Variants in CRCP observed in about 807,000 individuals in gnomAD.
CRCP encodes CGRP receptor component, also known as DNA-directed RNA polymerase III subunit RPC9.
A neutral mutation model predicts 18.5 loss-of-function variants in CRCP; 18 were observed. The observed-to-expected ratio is 0.97, with a 90% CI of 0.67 to 1.44. The LOEUF (loss-of-function observed/expected upper bound fraction) is 1.44. CRCP is among the 40% of genes most tolerant of loss of function. The probability of loss-of-function intolerance (pLI) is 0.00; values close to 1 mark genes in which losing one functional copy is unlikely to be tolerated. For synonymous variants in CRCP, 53 were observed against 62.9 expected, an observed-to-expected ratio of 0.84 and a Z score of 0.75; for missense variants, 130 against 176.4, an observed-to-expected ratio of 0.74 and a Z score of 1.49.
At chr7:66,124,669 CA>C (rs1787566844) in intron 1 of CRCP, among the ~76,000 whole-genome samples, 1 of 152,156 alleles carries the variant, frequency 6.6e-6, no homozygotes, top group African/African-American at 2.4e-5. Context: ...GTGTGAGCCA[CA>C]ATGCCTGGCA....
At chr7:66,115,024 G>C (rs1241847649) in intron 1 of CRCP, 54 bp downstream of exon 1, 8 of 1,581,156 alleles carry the variant, frequency 5.1e-6, no homozygotes, top group Non-Finnish European at 6.9e-6. Context: ...CGGTTTGACC[G>C]CTGAGAGCTG....
chr7:66,127,697 T>C lies in CRCP; in HGVS notation c.9-7T>C, dbSNP rs368809100. The C allele has an allele frequency of 6.2e-7, 1 of 1,614,140 alleles. No homozygotes were observed. Among genetic ancestry groups the C allele is most frequent in the Non-Finnish European group, 8.5e-7 (1 of 1,180,004 alleles). On this transcript the variant is annotated splice_polypyrimidine_tract_variant and splice_region_variant and intron_variant, in intron 1 of 5. Coordinates refer to ENST00000395326, the MANE Select transcript of CRCP (RefSeq NM_014478.5). The stretch of plus-strand genomic sequence containing the variant: ...CAGACTGATGATAGCTTACTTTTCT[T>C]TTTCAGGAAGGATGCCAATTCTGCG...
rs138993929 is a variant in CRCP, at chr7:66,154,181, CT to C, written c.*1842del. On this transcript the variant is annotated 3_prime_UTR_variant, in exon 6 of 6. Transcript: ENST00000395326. ...CAATCTGTCTCATTGTTGTCTCTCT[CT>C]TTTTTTTTTTTTTTTTTGAGACAGT... 0.45 allele frequency: 51,459 copies of C among 114,674 alleles called. 9,406 individuals are homozygous for C. Among genetic ancestry groups the C allele is most frequent in the African/African-American group, 0.56 (15,792 of 28,356 alleles). 7.1% of individuals were successfully genotyped at this position (114,674 alleles called of 1,614,324 possible).
intron 1 of CRCP, among the ~76,000 whole-genome samples, chr7:66,123,410 C>T (rs895514235): frequency 3.3e-5 from 5 of 152,142 alleles, no homozygotes; most frequent in African/African-American, 9.6e-5. Context: ...ACAGCTTCTA[C>T]GTTTATAATT....
intron 1 of CRCP, among the ~76,000 whole-genome samples, chr7:66,125,588 T>C (rs924183297): frequency 1.8e-4 from 27 of 149,454 alleles, no homozygotes; most frequent in African/African-American, 5.6e-4. Context: ...TTAAAACTTA[T>C]GTGAAAGAGG....
intron 1 of CRCP, chr7:66,120,670 C>T (rs936454675): frequency 6.6e-6 from 1 of 151,956 alleles, no homozygotes; most frequent in African/African-American, 2.4e-5. Context: ...TCATGGATCT[C>T]CTTATACGCA....
chr7:66,138,786 C>T (rs1788048208), intron 4 of CRCP, among the ~76,000 whole-genome samples: 1 of 109,118 alleles, frequency 9.2e-6, no homozygotes, highest in South Asian at 2.8e-4. Context: ...GAGCGAGACT[C>T]CGTCTCAAAA....
intron 4 of CRCP, among the ~76,000 whole-genome samples, chr7:66,141,552 T>G (rs1045330260): frequency 3.9e-5 from 6 of 152,180 alleles, no homozygotes; most frequent in African/African-American, 1.2e-4. Flanking sequence ...CCAGAGCCTC[T>G]CTGGAGAAGA....
chr7:66,121,086 T>C (rs900160049), intron 1 of CRCP, among the ~76,000 whole-genome samples: 4 of 151,936 alleles, frequency 2.6e-5, no homozygotes, highest in Middle Eastern at 3.4e-3. Flanking sequence ...TTCTTCTTTT[T>C]TTTTTGAGAT....
intron 5 of CRCP, among the ~76,000 whole-genome samples, chr7:66,149,898 C>T (rs1429774051): frequency 6.6e-6 from 1 of 152,098 alleles, no homozygotes; most frequent in East Asian, 2.0e-4. Flanking sequence ...CCTCTGCCTC[C>T]TGGGTTCACA....
chr7:66,141,327 A>G (rs1005828353), intron 4 of CRCP, among the ~76,000 whole-genome samples: 2 of 151,434 alleles, frequency 1.3e-5, no homozygotes, highest in African/African-American at 2.4e-5. Flanking sequence ...CATTCTTTCT[A>G]TTTTTTCATA....
Position 66,134,354 on chromosome 7 carries a change from G to A in CRCP, c.219G>A (p.Leu73=), listed in dbSNP as rs541770459. Residue 73 remains leucine, a synonymous_variant, in exon 4 of 6, where the codon TTG becomes TTA. Coordinates refer to ENST00000395326, the MANE Select transcript of CRCP (RefSeq NM_014478.5). Reference sequence around the variant, plus strand: ...TTGTCAGAGAATTTCTCACAGCATTGAAAAGCCACAAGTTGACCAAGTAAG... The same window carrying A: ...TTGTCAGAGAATTTCTCACAGCATTAAAAAGCCACAAGTTGACCAAGTAAG... The part of the protein sequence containing the change: ...PEIVREFLTA[L]KSHKLTKAEK... 2 of 1,606,042 alleles carry A rather than the reference G, an allele frequency of 1.2e-6. No individual in the cohort carries two copies. Among genetic ancestry groups the A allele is most frequent in the African/African-American group, 1.3e-5 (1 of 74,188 alleles).
At chr7:66,148,916 G>A (rs771387458) in intron 5 of CRCP, among the ~76,000 whole-genome samples, 19 of 152,224 alleles carry the variant, frequency 1.2e-4, no homozygotes, top group Non-Finnish European at 2.1e-4. Flanking sequence ...GCCAGATTCA[G>A]TGAACTGTTC....
chr7:66,128,542 A>C (rs966016369), intron 2 of CRCP: 86 of 152,318 alleles, frequency 5.6e-4, no homozygotes, highest in African/African-American at 2.0e-3. Context: ...CCATAATCCC[A>C]GCACTTTGGA....
At chr7:66,139,435 T>A (rs887141190) in intron 4 of CRCP, among the ~76,000 whole-genome samples, 5 of 152,260 alleles carry the variant, frequency 3.3e-5, no homozygotes, top group Non-Finnish European at 7.3e-5. Context: ...AGAATCTTGA[T>A]AATTTTAACA....
intron 1 of CRCP, among the ~76,000 whole-genome samples, chr7:66,115,872 T>G (rs960294634): frequency 6.6e-5 from 10 of 152,208 alleles, no homozygotes; most frequent in Non-Finnish European, 1.5e-4. Flanking sequence ...GTAATCATGG[T>G]TCACTGCAGC....
At chr7:66,137,006 G>A (rs1304025488) in intron 4 of CRCP, among the ~76,000 whole-genome samples, 4 of 151,816 alleles carry the variant, frequency 2.6e-5, no homozygotes, top group African/African-American at 9.7e-5. Context: ...ACTTGAACCT[G>A]GGAGATGGAG....
chr7:66,120,915 A>G (rs541555991), intron 1 of CRCP, among the ~76,000 whole-genome samples: 69 of 152,064 alleles, frequency 4.5e-4, no homozygotes, highest in African/African-American at 1.5e-3. Context: ...ATGCCTGTAT[A>G]TTGTACCTCT....
chr7:66,150,160 A>G (rs552709347), intron 5 of CRCP, among the ~76,000 whole-genome samples: 15 of 151,430 alleles, frequency 9.9e-5, no homozygotes, highest in African/African-American at 3.6e-4. Context: ...TAACTCCTGT[A>G]ATCCCAGCAC....
Sources: gnomAD v4.1 joint callset for allele counts (sites outside exome capture counted in the v4.1 genomes callset) on GRCh38, gnomAD v4.1.1 for gene constraint, MANE v1.5 for transcripts, NCBI Gene and HGNC (gene_info 2026-07-23, HGNC 2026-07-21) for gene names.